Variants in IL1RAPL1 observed in about 807,000 individuals in gnomAD.
IL1RAPL1 encodes the protein interleukin 1 receptor accessory protein like 1, also known as interleukin-1 receptor accessory protein-like 1.
In IL1RAPL1, 3 loss-of-function variants were observed where a neutral mutation model predicts 48.4. The ratio of observed to expected loss-of-function variants is 0.06; its 90% CI spans 0.03 to 0.16. The LOEUF (loss-of-function observed/expected upper bound fraction) is 0.16, where lower values mean the gene tolerates loss of function less well. Ranked by LOEUF, IL1RAPL1 falls within the 10% of genes least tolerant of loss-of-function variation. The pLI, the probability that IL1RAPL1 is intolerant of heterozygous loss-of-function variation, is 1.00. For missense variants in IL1RAPL1, 349 were observed against 530.6 expected (o/e 0.66, Z 3.36); for synonymous variants, 185 against 187.7 (o/e 0.99, Z 0.12).
intron 2 of IL1RAPL1, among the ~76,000 whole-genome samples, chrX:28,807,002 ACTAT>A (rs1239760863): frequency 9.0e-6 from 1 of 111,027 alleles, no homozygotes; most frequent in Non-Finnish European, 1.9e-5. Context: ...CTGAGATGAG[ACTAT>A]CTACAGAAGC....
chrX:29,762,197 G>A (rs1334970002), intron 6 of IL1RAPL1, among the ~76,000 whole-genome samples: 2 of 111,900 alleles, frequency 1.8e-5, no homozygotes, highest in African/African-American at 6.5e-5. Context: ...TGAAATGCGA[G>A]ACAGTGTGCG....
At chrX:29,629,703 T>C (rs1182457802) in intron 5 of IL1RAPL1, among the ~76,000 whole-genome samples, 1 of 112,311 alleles carries the variant, frequency 8.9e-6, no homozygotes, top group Non-Finnish European at 1.9e-5. Flanking sequence ...TATGTTATCA[T>C]ATCTAATTCT....
At chrX:28,978,417 G>A (rs776936698) in intron 2 of IL1RAPL1, among the ~76,000 whole-genome samples, 22 of 111,779 alleles carry the variant, frequency 2.0e-4, no homozygotes, top group Non-Finnish European at 4.0e-4. Context: ...GAGGAAAGGG[G>A]AGAGAATAAA....
intron 5 of IL1RAPL1, among the ~76,000 whole-genome samples, chrX:29,657,055 A>G (rs991008876): frequency 3.6e-5 from 4 of 111,377 alleles, no homozygotes; most frequent in African/African-American, 1.3e-4. Context: ...GGCTTCCTTC[A>G]TGGCTGTGGT....
chrX:29,137,381 G>A (rs1266642953), intron 2 of IL1RAPL1, among the ~76,000 whole-genome samples: 2 of 111,178 alleles, frequency 1.8e-5, no homozygotes, highest in Admixed American at 1.9e-4. Context: ...TTCCACACAA[G>A]GTATATATAT....
At chrX:28,780,320 A>AGTGTGTGT (rs200810098) in intron 1 of IL1RAPL1, among the ~76,000 whole-genome samples, 43 of 82,609 alleles carry the variant, frequency 5.2e-4, no homozygotes, top group Middle Eastern at 7.0e-3. Context: ...TTTCAATCAC[A>AGTGTGTGT]GTGTGTGTGT....
intron 1 of IL1RAPL1, among the ~76,000 whole-genome samples, chrX:28,629,294 C>A (rs1934374618): frequency 9.0e-6 from 1 of 111,462 alleles, no homozygotes; most frequent in African/African-American, 3.3e-5. Context: ...AAGTTTGTGG[C>A]TTGAAGGGAC....
chrX:29,177,396 T>C (rs939636418), intron 2 of IL1RAPL1, among the ~76,000 whole-genome samples: 1 of 111,919 alleles, frequency 8.9e-6, no homozygotes, highest in Non-Finnish European at 1.9e-5. Context: ...TCGATTGCTG[T>C]CTCCAGCTGA....
intron 2 of IL1RAPL1, among the ~76,000 whole-genome samples, chrX:28,795,830 G>T (rs779964197): frequency 6.3e-5 from 7 of 111,085 alleles, no homozygotes; most frequent in African/African-American, 2.3e-4. Context: ...GAGGGAAGCA[G>T]TATAGAAGCT....
chrX:29,381,825 AAAAAAAAAATAT>A (rs1156916369), intron 3 of IL1RAPL1, among the ~76,000 whole-genome samples: 1 of 57,645 alleles, frequency 1.7e-5, no homozygotes, highest in African/African-American at 5.6e-5. Flanking sequence ...AAAAAAAAAA[AAAAAAAAAATAT>A]ATATATATAT....
intron 6 of IL1RAPL1, among the ~76,000 whole-genome samples, chrX:29,775,308 G>T (rs374898865): frequency 1.8e-5 from 2 of 111,565 alleles, no homozygotes; most frequent in South Asian, 7.6e-4. Flanking sequence ...GAGGAGCAAA[G>T]AAGGAAAAAA....
At chrX:29,491,445 C>T (rs1935158670) in intron 5 of IL1RAPL1, among the ~76,000 whole-genome samples, 1 of 112,295 alleles carries the variant, frequency 8.9e-6, no homozygotes, top group African/African-American at 3.2e-5. Context: ...ACAGAAAGTC[C>T]CTTGCATTTG....
chrX:29,330,563 C>T (rs1040065455), intron 3 of IL1RAPL1, among the ~76,000 whole-genome samples: 8 of 93,067 alleles, frequency 8.6e-5, no homozygotes, highest in Non-Finnish European at 1.9e-4. Flanking sequence ...GGCCTAATGG[C>T]TGGTTAAGTG....
At chrX:29,766,697 T>TATATAATATATAA (rs6151278) in intron 6 of IL1RAPL1, among the ~76,000 whole-genome samples, 33,579 of 87,607 alleles carry the variant, frequency 0.38, 5,587 homozygotes, top group East Asian at 0.74. Context: ...TATATATTAA[T>TATATAATATATAA]ATATAATATA....
chrX:29,881,964 G>C (rs1310132675), intron 6 of IL1RAPL1, among the ~76,000 whole-genome samples: 18 of 111,386 alleles, frequency 1.6e-4, no homozygotes, highest in African/African-American at 5.2e-4. Flanking sequence ...GAGACAATTG[G>C]TTCTATAGAG....
In IL1RAPL1 at chrX:28,664,222, A is replaced by G. The variant is rs1172167544; in HGVS notation, c.-25+76175A>G. On this transcript the variant is annotated intron_variant, in intron 1 of 10. Coordinates refer to ENST00000378993, the MANE Select transcript of IL1RAPL1 (RefSeq NM_014271.4). The stretch of plus-strand genomic sequence containing the variant: ...CCATAGGGAGCATCATGATTTTTGC[A>G]TTGTAACTGTCCCCGAAAATTCAAT... Among the ~76,000 whole-genome samples, 5 of 112,514 alleles carry G rather than the reference A, an allele frequency of 4.4e-5. No individual in the cohort carries two copies. In the East Asian group the frequency reaches 1.1e-3, roughly 25 times the overall value.
chrX:29,407,589 C>G (rs1243898822), intron 5 of IL1RAPL1, among the ~76,000 whole-genome samples: 1 of 111,506 alleles, frequency 9.0e-6, no homozygotes, highest in Non-Finnish European at 1.9e-5. Context: ...CTTATGTACA[C>G]ACATATATAC....
chrX:29,820,110 TTA>T (rs1930579259), intron 6 of IL1RAPL1, among the ~76,000 whole-genome samples: 1 of 107,111 alleles, frequency 9.3e-6, no homozygotes. Context: ...TTATATAAAT[TTA>T]TATATACTTA....
At chrX:29,754,528 A>G (rs1333950614) in intron 6 of IL1RAPL1, among the ~76,000 whole-genome samples, 1 of 111,991 alleles carries the variant, frequency 8.9e-6, no homozygotes, top group Non-Finnish European at 1.9e-5. Context: ...GTGTTTTTTT[A>G]ATACACAGAA....
Sources: gnomAD v4.1 joint callset for allele counts (sites outside exome capture counted in the v4.1 genomes callset) on GRCh38, gnomAD v4.1.1 for gene constraint, MANE v1.5 for transcripts, NCBI Gene and HGNC (gene_info 2026-07-23, HGNC 2026-07-21) for gene names.